The following GNAQ variants were observed in gnomAD, a reference collection of about 807,000 sequenced individuals.
The protein encoded by GNAQ is guanine nucleotide-binding protein G(q) subunit alpha.
GNAQ carries 8 observed loss-of-function variants against 43.9 expected under a neutral mutation model. The ratio of observed to expected loss-of-function variants is 0.18; its 90% CI spans 0.11 to 0.33. The LOEUF (loss-of-function observed/expected upper bound fraction) is 0.33, where lower values mean the gene tolerates loss of function less well. Ranked by LOEUF, GNAQ falls within the 10% of genes least tolerant of loss-of-function variation. The pLI is 1.00. For synonymous variants in GNAQ, 155 were observed against 170.7 expected (o/e 0.91, Z 0.71); for missense variants, 158 against 450.8 (o/e 0.35, Z 5.88).
intron 2 of GNAQ, among the ~76,000 whole-genome samples, chr9:77,830,650 T>C (rs190326822): frequency 6.6e-6 from 1 of 152,354 alleles, no homozygotes. Context: ...TGGCAGCCTA[T>C]CTGGCAGATA....
At chr9:78,016,529 C>T (rs1476866806) in intron 1 of GNAQ, among the ~76,000 whole-genome samples, 3 of 151,968 alleles carry the variant, frequency 2.0e-5, no homozygotes, top group African/African-American at 7.2e-5. Context: ...ACTAAAAATA[C>T]AAAAAATTAG....
At chr9:77,913,115 T>A (rs531941152) in intron 2 of GNAQ, among the ~76,000 whole-genome samples, 1 of 152,280 alleles carries the variant, frequency 6.6e-6, no homozygotes, top group East Asian at 1.9e-4. Flanking sequence ...GGAAAACTCA[T>A]TGGCAGTATC....
At chr9:77,910,539 G>A (rs1306977013) in intron 2 of GNAQ, among the ~76,000 whole-genome samples, 1 of 152,136 alleles carries the variant, frequency 6.6e-6, no homozygotes. Flanking sequence ...TTCTGCGCAG[G>A]TTTGTCTAAG....
At chr9:77,798,864 G>A (rs926717255) in intron 3 of GNAQ, among the ~76,000 whole-genome samples, 4 of 152,118 alleles carry the variant, frequency 2.6e-5, no homozygotes, top group African/African-American at 9.7e-5. Flanking sequence ...GATACAGAGG[G>A]CTGACTGTAT....
intron 2 of GNAQ, among the ~76,000 whole-genome samples, chr9:77,898,796 A>C (rs1038367433): frequency 2.0e-5 from 3 of 152,160 alleles, no homozygotes; most frequent in Admixed American, 2.0e-4. Context: ...TATTATATCC[A>C]TCTAGTATTT....
chr9:77,760,237 C>T (rs1288557808), intron 5 of GNAQ, among the ~76,000 whole-genome samples: 1 of 148,332 alleles, frequency 6.7e-6, no homozygotes, highest in Non-Finnish European at 1.5e-5. Flanking sequence ...CCTCTCCCCA[C>T]GGTCTCCCTC....
At chr9:77,838,671 G>C (rs1399255301) in intron 2 of GNAQ, among the ~76,000 whole-genome samples, 1 of 152,054 alleles carries the variant, frequency 6.6e-6, no homozygotes, top group Non-Finnish European at 1.5e-5. Context: ...ACCCACCTCG[G>C]CCTTGCAAAG....
intron 2 of GNAQ, among the ~76,000 whole-genome samples, chr9:77,866,071 T>C (rs539671168): frequency 6.6e-6 from 1 of 152,368 alleles, no homozygotes; most frequent in Admixed American, 6.5e-5. Context: ...ACACAGACAA[T>C]TGTGTTTCAG....
chr9:77,796,601 A>C (rs371594343), intron 4 of GNAQ, among the ~76,000 whole-genome samples: 43 of 152,346 alleles, frequency 2.8e-4, no homozygotes, highest in African/African-American at 8.7e-4. Flanking sequence ...GAACACCAGC[A>C]GTGAGAGATG....
chr9:77,897,532 T>C (rs1012724141), intron 2 of GNAQ, among the ~76,000 whole-genome samples: 2 of 152,176 alleles, frequency 1.3e-5, no homozygotes, highest in African/African-American at 4.8e-5. Context: ...AGGATGCAGC[T>C]TCTCCCTGGC....
chr9:77,888,698 TGAGAA>T (rs1047391021), intron 2 of GNAQ, among the ~76,000 whole-genome samples: 24 of 152,278 alleles, frequency 1.6e-4, no homozygotes, highest in African/African-American at 4.3e-4. Flanking sequence ...GAACGCTGGC[TGAGAA>T]GAGTGTCAGA....
chr9:77,930,534 ATTTC>A (rs1158196517), intron 1 of GNAQ, among the ~76,000 whole-genome samples: 1 of 152,128 alleles, frequency 6.6e-6, no homozygotes, highest in East Asian at 1.9e-4. Flanking sequence ...TCCTTTAGTG[ATTTC>A]TTTCATTTAT....
chr9:77,799,655 C>A (rs1826712757), intron 3 of GNAQ, among the ~76,000 whole-genome samples: 1 of 152,166 alleles, frequency 6.6e-6, no homozygotes, highest in Admixed American at 6.5e-5. Context: ...AGGATTAAAT[C>A]TGAGTTTAAC....
At chr9:77,826,210 T>TA in intron 2 of GNAQ, among the ~76,000 whole-genome samples, 1 of 152,232 alleles carries the variant, frequency 6.6e-6, no homozygotes, top group East Asian at 1.9e-4. Context: ...CAAACAATGC[T>TA]ATGGCAAAGA....
intron 2 of GNAQ, among the ~76,000 whole-genome samples, chr9:77,862,898 G>A (rs1234492963): frequency 6.6e-6 from 1 of 152,098 alleles, no homozygotes; most frequent in African/African-American, 2.4e-5. Flanking sequence ...AATTTCTTCC[G>A]CCAGACACGG....
chr9:77,898,472 A>C (rs1424861745), intron 2 of GNAQ, among the ~76,000 whole-genome samples: 1 of 152,214 alleles, frequency 6.6e-6, no homozygotes, highest in Non-Finnish European at 1.5e-5. Flanking sequence ...TAAATTGCCC[A>C]TGGACTTGCT....
At chr9:77,799,082 T>C (rs748512291) in intron 3 of GNAQ, among the ~76,000 whole-genome samples, 41 of 152,310 alleles carry the variant, frequency 2.7e-4, no homozygotes, top group Admixed American at 1.4e-3. Flanking sequence ...ATCTGAAATG[T>C]TGAGAATGAC....
chr9:77,813,215 GC>G, intron 3 of GNAQ, among the ~76,000 whole-genome samples: 1 of 152,234 alleles, frequency 6.6e-6, no homozygotes, highest in East Asian at 1.9e-4. Context: ...ACCATACCTG[GC>G]CCACATATAT....
intron 5 of GNAQ, among the ~76,000 whole-genome samples, chr9:77,776,504 C>G (rs972531675): frequency 1.3e-5 from 2 of 152,090 alleles, no homozygotes; most frequent in Non-Finnish European, 2.9e-5. Context: ...TTAAGTCAAT[C>G]AAGTAGGCAT....
Sources: allele counts gnomAD v4.1 joint callset (sites outside exome capture counted in the v4.1 genomes callset), GRCh38; gene constraint gnomAD v4.1.1; transcripts MANE v1.5; gene names NCBI Gene and HGNC (gene_info 2026-07-23, HGNC 2026-07-21).